The following RGL1 variants were observed in gnomAD, a reference collection of about 807,000 sequenced individuals.
The protein encoded by RGL1 is ral guanine nucleotide dissociation stimulator-like 1.
RGL1 carries 24 observed loss-of-function variants against 95.2 expected under a neutral mutation model. The observed-to-expected ratio is 0.25, with a 90% CI of 0.18 to 0.35. RGL1 has a LOEUF of 0.35. Among genes scored for constraint, RGL1 ranks in the 10% least tolerant of loss-of-function variants. The pLI is 1.00. For missense variants in RGL1, 715 were observed against 936.3 expected (o/e 0.76, Z 3.08); for synonymous variants, 329 against 344.9 (o/e 0.95, Z 0.51).
Position 183,748,476 on chromosome 1 carries a change from G to T in RGL1, c.132+6187G>T, listed in dbSNP as rs1276846447. Among the ~76,000 whole-genome samples the T allele has an allele frequency of 7.7e-4, 105 of 136,890 alleles. 1 individual carries two copies. The highest frequency in any genetic ancestry group is 2.8e-3 in the African/African-American group (98 of 35,632). 89.8% of individuals were successfully genotyped at this position (136,890 alleles called of 152,430 possible). ...GCTGGAGTGCAGTGGCACGATCTCG[G>T]CTCACTGCAAGCTCTGCCTCCTGGG... On this transcript the variant is annotated intron_variant, in intron 2 of 18. Transcript: ENST00000304685.
At chr1:183,669,864 A>G (rs979938262) in intron 1 of RGL1, among the ~76,000 whole-genome samples, 1 of 152,090 alleles carries the variant, frequency 6.6e-6, no homozygotes, top group Admixed American at 6.5e-5. Context: ...AAAAAGGGGG[A>G]AAAACCCCTT....
intron 2 of RGL1, among the ~76,000 whole-genome samples, chr1:183,841,661 G>A (rs1052896377): frequency 4.6e-5 from 7 of 152,130 alleles, no homozygotes; most frequent in East Asian, 1.9e-4. Context: ...TAGTACTCAG[G>A]TGTATTGGCC....
intron 2 of RGL1, 40 bp downstream of exon 2, chr1:183,806,525 G>A: frequency 7.4e-7 from 1 of 1,347,324 alleles, no homozygotes; most frequent in Non-Finnish European, 1.1e-6. Context: ...TGGAATTTCA[G>A]TGTCTGTCGT....
chr1:183,696,286 C>A (rs983929665), intron 1 of RGL1, among the ~76,000 whole-genome samples: 2 of 152,170 alleles, frequency 1.3e-5, no homozygotes, highest in African/African-American at 4.8e-5. Flanking sequence ...TTCTGTGCCC[C>A]CGTCATTGTC....
In RGL1 at chr1:183,916,460, C is replaced by T. The variant is rs1558293266; in HGVS notation, c.1763C>T (p.Ser588Phe). 3.7e-6 allele frequency: 6 copies of T among 1,614,088 alleles called. No individual in the cohort carries two copies. Among genetic ancestry groups the T allele is most frequent in the Non-Finnish European group, 5.1e-6 (6 of 1,179,986 alleles). ...TTACTCTTCCAGCTCTCTGAGTCCT[C>T]CTCATCCTGTTCTTCTATCCATTCC... ...DEPQKKLSES[S>F]SSCSSIHSMD... The change falls in exon 16 of 18, where the codon TCC (serine) becomes TTC (phenylalanine). Residue 588 changes from serine (S) to phenylalanine (F), a missense_variant. Physicochemically the swap from Ser to Phe is radical, Grantham distance 155 (BLOSUM62 -2). Around this residue, in one of 3 missense-constraint regions of RGL1, gnomAD observed 330 missense variants for 429.6 expected, o/e 0.77. Coordinates refer to ENST00000360851, the MANE Select transcript of RGL1 (RefSeq NM_001297671.3).
intron 2 of RGL1, among the ~76,000 whole-genome samples, chr1:183,838,841 T>C (rs1376551082): frequency 6.6e-6 from 1 of 152,166 alleles, no homozygotes; most frequent in Non-Finnish European, 1.5e-5. Flanking sequence ...TTTCATGGCG[T>C]AAATAGTGTC....
intron 16 of RGL1, among the ~76,000 whole-genome samples, chr1:183,920,590 C>T (rs1669258137): frequency 6.6e-6 from 1 of 152,200 alleles, no homozygotes; most frequent in Non-Finnish European, 1.5e-5. Flanking sequence ...TGAAGGTAGC[C>T]TGGCTGTCTC....
chr1:183,849,129 G>T (rs1269909746), intron 3 of RGL1, among the ~76,000 whole-genome samples: 1 of 151,852 alleles, frequency 6.6e-6, no homozygotes, highest in African/African-American at 2.4e-5. Context: ...CTGTTGTCCA[G>T]ACTGGACTGG....
chr1:183,648,627 A>C (rs1187884315), intron 1 of RGL1: 1 of 1,614,244 alleles, frequency 6.2e-7, no homozygotes, highest in Admixed American at 1.7e-5. Context: ...AGGGAATCCA[A>C]AAATCTGACA....
chr1:183,832,363 C>T (rs1157061023), intron 2 of RGL1, among the ~76,000 whole-genome samples: 1 of 152,106 alleles, frequency 6.6e-6, no homozygotes, highest in African/African-American at 2.4e-5. Flanking sequence ...TTAGAGTTGT[C>T]TGTGAATTAT....
At chr1:183,877,094 G>C (rs1310685275) in intron 4 of RGL1, among the ~76,000 whole-genome samples, 2 of 152,154 alleles carry the variant, frequency 1.3e-5, no homozygotes, top group Non-Finnish European at 2.9e-5. Flanking sequence ...ACCTATCCAG[G>C]CTTCCTTAGT....
At chr1:183,821,075 G>A (rs902254279) in intron 2 of RGL1, among the ~76,000 whole-genome samples, 2 of 152,152 alleles carry the variant, frequency 1.3e-5, no homozygotes, top group Admixed American at 6.5e-5. Context: ...AGAGGTTGCA[G>A]TGAGCTGAGA....
chr1:183,847,916 A>G (rs892058151), intron 3 of RGL1, 142 bp downstream of exon 3: 68 of 637,540 alleles, frequency 1.1e-4, no homozygotes, highest in Admixed American at 3.8e-4. Context: ...CCTTTGGCAC[A>G]AATGAAAAGA....
intron 4 of RGL1, among the ~76,000 whole-genome samples, chr1:183,867,486 T>C (rs534185919): frequency 6.6e-6 from 1 of 152,208 alleles, no homozygotes; most frequent in South Asian, 2.1e-4. Flanking sequence ...GCTGCGGTCT[T>C]TGGTGACTTG....
At chr1:183,805,465 CTTTG>C in intron 1 of RGL1, 141 bp downstream of exon 1, 1 of 748,896 alleles carries the variant, frequency 1.3e-6, no homozygotes, top group Admixed American at 2.1e-5. Context: ...TCTCACTCCG[CTTTG>C]TATTCCTCTC....
intron 2 of RGL1, among the ~76,000 whole-genome samples, chr1:183,843,210 C>T (rs1664183828): frequency 6.6e-6 from 1 of 152,172 alleles, no homozygotes; most frequent in Non-Finnish European, 1.5e-5. Context: ...AAGAGCAATT[C>T]TATACTTATT....
chr1:183,661,341 A>C (rs1348820333), intron 1 of RGL1, among the ~76,000 whole-genome samples: 1 of 152,216 alleles, frequency 6.6e-6, no homozygotes, highest in African/African-American at 2.4e-5. Flanking sequence ...AGAGAGAAGA[A>C]TCAAATAGAC....
At chr1:183,801,484 G>A (rs1158618269), upstream of RGL1, among the ~76,000 whole-genome samples, 1 of 152,074 alleles carries the variant, frequency 6.6e-6, no homozygotes, top group Non-Finnish European at 1.5e-5. Context: ...TTGCTGCACA[G>A]AAGCTTTTTA....
At chr1:183,903,256 A>G (rs1202222683) in intron 12 of RGL1, among the ~76,000 whole-genome samples, 1 of 152,172 alleles carries the variant, frequency 6.6e-6, no homozygotes, top group Non-Finnish European at 1.5e-5. Context: ...TACTCGAGAG[A>G]GGAAAGGAAA....
Sources: gnomAD v4.1 joint callset for allele counts (sites outside exome capture counted in the v4.1 genomes callset) on GRCh38, gnomAD v4.1.1 for gene constraint, gnomAD v4.1.1 regional missense constraint, MANE v1.5 for transcripts, NCBI Gene and HGNC (gene_info 2026-07-23, HGNC 2026-07-21) for gene names.